FHL5: variants seen among roughly 807,000 people sequenced by gnomAD.
FHL5 encodes the protein four and a half LIM domains protein 5.
A neutral mutation model predicts 32.0 loss-of-function variants in FHL5; 33 were observed. The observed-to-expected ratio is 1.03, with a 90% CI of 0.78 to 1.38. FHL5 has a LOEUF of 1.38. Ranked by LOEUF, FHL5 falls within the 40% of genes most tolerant of loss-of-function variation. The pLI is 0.00. For synonymous variants in FHL5, 114 were observed against 113.6 expected, an observed-to-expected ratio of 1.00 and a Z score of -0.02; for missense variants, 336 against 343.9, an observed-to-expected ratio of 0.98 and a Z score of 0.18.
chr6:96,606,845 A>C (rs1771292037), intron 4 of FHL5, among the ~76,000 whole-genome samples: 1 of 152,186 alleles, frequency 6.6e-6, no homozygotes, highest in Non-Finnish European at 1.5e-5. Context: ...ATTCTTTCTC[A>C]GCAATGCAAA....
intron 1 of FHL5, among the ~76,000 whole-genome samples, chr6:96,590,240 T>A (rs894871709): frequency 2.0e-5 from 3 of 152,034 alleles, no homozygotes; most frequent in Admixed American, 2.0e-4. Context: ...GGGGAAATAA[T>A]ACCTTCACAA....
Position 96,618,389 on chromosome 6 carries a change from T to C in FHL5, c.*2617T>C, listed in dbSNP as rs1771564016. Among the ~76,000 whole-genome samples the C allele has an allele frequency of 6.6e-6, 1 of 152,134 alleles. No individual in the cohort carries two copies. The highest frequency in any genetic ancestry group is 6.6e-5 in the Admixed American group (1 of 15,266). ...GCCGAAGAGCAGGAGAAAATAAGATTGCTAAAAGAGAAAGAGTCAGAGGAA... is the reference window on the plus strand; with the variant it reads ...GCCGAAGAGCAGGAGAAAATAAGATCGCTAAAAGAGAAAGAGTCAGAGGAA... On this transcript the variant is annotated 3_prime_UTR_variant, in exon 6 of 6. Transcript: ENST00000450218.
At chr6:96,612,554 T>C (rs532229366) in intron 5 of FHL5, among the ~76,000 whole-genome samples, 10 of 152,104 alleles carry the variant, frequency 6.6e-5, no homozygotes, top group Non-Finnish European at 1.2e-4. Flanking sequence ...TTGTTCCAGA[T>C]CAATCACTGG....
chr6:96,606,343 T>C (rs143938208), intron 4 of FHL5, among the ~76,000 whole-genome samples: 1 of 151,956 alleles, frequency 6.6e-6, no homozygotes, highest in Non-Finnish European at 1.5e-5. Flanking sequence ...TCACTGTTTT[T>C]TGTTGTTGTT....
At chr6:96,588,106 G>C (rs1418471267) in intron 1 of FHL5, among the ~76,000 whole-genome samples, 1 of 152,130 alleles carries the variant, frequency 6.6e-6, no homozygotes, top group Admixed American at 6.6e-5. Context: ...TCACATGAAA[G>C]GTATATGTTC....
At chr6:96,589,928 A>T (rs1003239943) in intron 1 of FHL5, among the ~76,000 whole-genome samples, 2 of 152,086 alleles carry the variant, frequency 1.3e-5, no homozygotes, top group African/African-American at 4.8e-5. Context: ...TAAAAAGACC[A>T]TTCCTATTCT....
intron 1 of FHL5, among the ~76,000 whole-genome samples, chr6:96,592,847 G>T (rs1259234575): frequency 6.6e-6 from 1 of 152,118 alleles, no homozygotes; most frequent in East Asian, 1.9e-4. Context: ...TTCGTTTTTA[G>T]TAGTTGTACC....
chr6:96,573,328 C>G (rs186869736), intron 1 of FHL5, among the ~76,000 whole-genome samples: 2 of 151,960 alleles, frequency 1.3e-5, no homozygotes, highest in East Asian at 3.9e-4. Flanking sequence ...TTTCTTTAAG[C>G]TTTTTTGTCA....
chr6:96,597,859 T>G (rs1196978642), intron 1 of FHL5, among the ~76,000 whole-genome samples: 4 of 152,130 alleles, frequency 2.6e-5, no homozygotes, highest in Non-Finnish European at 4.4e-5. Context: ...GGTATAGACT[T>G]GCACACTAGA....
chr6:96,617,795 C>T lies in FHL5; in HGVS notation c.*2023C>T, dbSNP rs987339196. Among the ~76,000 whole-genome samples, 10 of 152,114 alleles carry T rather than the reference C, an allele frequency of 6.6e-5. No individual in the cohort carries two copies. Among genetic ancestry groups the T allele is most frequent in the Admixed American group, 2.6e-4 (4 of 15,276 alleles). On this transcript the variant is annotated 3_prime_UTR_variant, in exon 6 of 6. Coordinates refer to ENST00000450218, the MANE Select transcript of FHL5 (RefSeq NM_001322466.2). ...TTACTGTGTGGGGGCAGTGAGTATG[C>T]ACATGATCAGACTTGTATTCTAGCT...
At chr6:96,578,086 G>C (rs1056585653) in intron 1 of FHL5, among the ~76,000 whole-genome samples, 6 of 152,166 alleles carry the variant, frequency 3.9e-5, no homozygotes, top group Non-Finnish European at 4.4e-5. Flanking sequence ...ACTTGGATCA[G>C]AAGTGTAGGA....
Position 96,616,969 on chromosome 6 carries a change from C to A in FHL5, c.*1197C>A, listed in dbSNP as rs1455861100. On this transcript the variant is annotated 3_prime_UTR_variant, in exon 6 of 6. Transcript: ENST00000450218. ...CCCAAGCCAGTTGTGCCCCCAGTTT[C>A]AATCTCCTGCATAACCAGGAGGTGC... Among the ~76,000 whole-genome samples the A allele has an allele frequency of 3.3e-5, 5 of 151,970 alleles. No homozygotes were observed. Among genetic ancestry groups the A allele is most frequent in the Admixed American group, 3.3e-4 (5 of 15,268 alleles).
At chr6:96,587,598 A>C (rs1770825399) in intron 1 of FHL5, among the ~76,000 whole-genome samples, 1 of 152,144 alleles carries the variant, frequency 6.6e-6, no homozygotes, top group African/African-American at 2.4e-5. Flanking sequence ...TAACATATAC[A>C]CAAACTGTAA....
At chr6:96,574,430 G>A (rs1770544405) in intron 1 of FHL5, among the ~76,000 whole-genome samples, 1 of 152,208 alleles carries the variant, frequency 6.6e-6, no homozygotes, top group Admixed American at 6.5e-5. Context: ...ATGAATGAGT[G>A]TGGCTGTGTT....
chr6:96,588,228 T>G (rs1461378976), intron 1 of FHL5, among the ~76,000 whole-genome samples: 1 of 152,256 alleles, frequency 6.6e-6, no homozygotes, highest in Non-Finnish European at 1.5e-5. Flanking sequence ...TCTTTTTTTT[T>G]GAGACGAAGT....
chr6:96,602,422 G>GTTCCTTTTTTTTTTTTTTTTTT, intron 1 of FHL5, among the ~76,000 whole-genome samples: 1 of 26,606 alleles, frequency 3.8e-5, no homozygotes, highest in African/African-American at 1.1e-4. Context: ...TATATGCGTT[G>GTTCCTTTTTTTTTTTTTTTTTT]TTTCTTTTTT....
chr6:96,597,910 T>G (rs1045115575), intron 1 of FHL5, among the ~76,000 whole-genome samples: 4 of 152,062 alleles, frequency 2.6e-5, no homozygotes, highest in Non-Finnish European at 5.9e-5. Flanking sequence ...GCCTCCTAAG[T>G]TTTGGTTTGC....
At chr6:96,609,518 GT>G (rs1235903155) in intron 4 of FHL5, among the ~76,000 whole-genome samples, 1 of 152,162 alleles carries the variant, frequency 6.6e-6, no homozygotes, top group Non-Finnish European at 1.5e-5. Flanking sequence ...GATTAAATTG[GT>G]TTAGAAAGAA....
At chr6:96,606,903 G>A (rs1026875020) in intron 4 of FHL5, among the ~76,000 whole-genome samples, 6 of 151,958 alleles carry the variant, frequency 3.9e-5, no homozygotes, top group East Asian at 1.9e-4. Context: ...TAGGGCAATC[G>A]GCTCAAGAGA....
Sources: gnomAD v4.1 joint callset for allele counts (sites outside exome capture counted in the v4.1 genomes callset) on GRCh38, gnomAD v4.1.1 for gene constraint, MANE v1.5 for transcripts, NCBI Gene and HGNC (gene_info 2026-07-23, HGNC 2026-07-21) for gene names.